LSM14A: variants seen among roughly 807,000 people sequenced by gnomAD.
LSM14A encodes protein LSM14 homolog A.
A neutral mutation model predicts 52.4 loss-of-function variants in LSM14A; 14 were observed. The observed-to-expected ratio is 0.27, with a 90% confidence interval of 0.18 to 0.42. LSM14A has a LOEUF of 0.42. Ranked by LOEUF, LSM14A falls within the 10% of genes least tolerant of loss-of-function variation. The pLI, the probability that LSM14A is intolerant of heterozygous loss-of-function variation, is 1.00. For missense variants in LSM14A, 417 were observed against 581.8 expected (o/e 0.72, Z 2.91); for synonymous variants, 185 against 200.3 (o/e 0.92, Z 0.64).
At chr19:34,205,410 CG>C (rs2145743740) in intron 3 of LSM14A, among the ~76,000 whole-genome samples, 1 of 135,822 alleles carries the variant, frequency 7.4e-6, no homozygotes, top group African/African-American at 2.7e-5. Context: ...CGCTTGAACC[CG>C]GGAGGCGGAG....
intron 3 of LSM14A, among the ~76,000 whole-genome samples, chr19:34,206,646 G>A (rs1362946773): frequency 6.6e-6 from 1 of 152,112 alleles, no homozygotes; most frequent in Non-Finnish European, 1.5e-5. Context: ...CTGCACTCCA[G>A]CCTGACGACA....
In LSM14A at chr19:34,219,131, C is replaced by G. The variant is rs1425559655; in HGVS notation, c.782-260C>G. Among the ~76,000 whole-genome samples, 3 of 152,152 alleles carry G rather than the reference C, an allele frequency of 2.0e-5. No homozygotes were observed. The East Asian group carries it at 5.8e-4, about 29-fold the overall frequency. The stretch of plus-strand genomic sequence containing the variant: ...ACACTTGCCTGGCTGTATACTCTGT[C>G]AGTAACACATGTGAGTGTGGACTCC... On this transcript the variant is annotated intron_variant, in intron 6 of 9. Coordinates refer to ENST00000544216, the MANE Select transcript of LSM14A (RefSeq NM_015578.4).
chr19:34,205,401 G>A lies in LSM14A; in HGVS notation c.416-3528G>A, dbSNP rs567536066. ...CTCAGGAGGCTGAGGCAGGAGAAAC[G>A]CTTGAACCCGGGAGGCGGAGGTTGC... is the stretch of plus-strand genomic sequence containing the variant. On this transcript the variant is annotated intron_variant, in intron 3 of 9. Transcript: ENST00000544216. Among the ~76,000 whole-genome samples, 22 of 144,138 alleles carry A rather than the reference G, an allele frequency of 1.5e-4. No homozygotes were observed. In the East Asian group the frequency reaches 2.2e-3, roughly 14 times the overall value. The allele number at this position is 144,138 out of a possible 152,430, so 94.6% of individuals were successfully genotyped here. A position where few individuals can be genotyped will look rare whatever the true frequency, so the allele number is the denominator to read the frequency against.
Position 34,208,973 on chromosome 19 carries a change from G to A in LSM14A, c.460G>A (p.Gly154Ser). Residue 154 changes from glycine (G) to serine (S), a missense_variant, in exon 4 of 10, where the codon GGT becomes AGT. Around this residue, in one of 2 missense-constraint regions of LSM14A, gnomAD observed 357 missense variants for 457.0 expected, o/e 0.78. Transcript: ENST00000544216. ...CTTTGGAACAGAAACATCAAACAGT[G>A]GTACCTTACCCCAAAGTAGTGCGGT... is the stretch of plus-strand genomic sequence containing the variant. ...TSFGTETSNS[G>S]TLPQSSAVGS... 1 of 1,610,920 alleles carries A rather than the reference G, an allele frequency of 6.2e-7. No homozygotes were observed.
At chr19:34,194,751 T>G (rs746054961) in intron 2 of LSM14A, 110 bp downstream of exon 2, 1 of 957,178 alleles carries the variant, frequency 1.0e-6, no homozygotes, top group Non-Finnish European at 1.6e-6. Flanking sequence ...TCCAAGTTAC[T>G]GGGATACCTG....
intron 8 of LSM14A, among the ~76,000 whole-genome samples, chr19:34,221,081 C>CTT (rs34608536): frequency 6.8e-4 from 85 of 124,826 alleles, no homozygotes; most frequent in South Asian, 1.3e-3. Context: ...AGATAAGATG[C>CTT]TTTTTTTTTT....
chr19:34,226,378 T>TC (rs1481174205), intron 9 of LSM14A: 3 of 542,686 alleles, frequency 5.5e-6, no homozygotes, highest in East Asian at 1.2e-4. Flanking sequence ...TCTTTCTCTT[T>TC]TTTTTTTTTT....
rs773558279 is a variant in LSM14A, at chr19:34,219,688, A to C, written c.965-18A>C. 1 of 1,598,114 alleles carries C rather than the reference A, an allele frequency of 6.3e-7. No individual in the cohort carries two copies. The highest frequency in any genetic ancestry group is 1.1e-5 in the South Asian group (1 of 87,864). On this transcript the variant is annotated intron_variant, in intron 7 of 9. Transcript: ENST00000544216. ...GATTAGCTGTCTTGACTTTTCTGAT[A>C]TGTGCTTTTGTTCTTAGAAGATAAA...
intron 1 of LSM14A, among the ~76,000 whole-genome samples, chr19:34,192,708 C>T (rs2070535578): frequency 6.8e-6 from 1 of 147,652 alleles, no homozygotes; most frequent in South Asian, 2.2e-4. Flanking sequence ...GGCGCGGTAG[C>T]TCACGCCTGT....
chr19:34,175,256 C>T (rs1054420405), intron 1 of LSM14A, among the ~76,000 whole-genome samples: 4 of 149,772 alleles, frequency 2.7e-5, no homozygotes, highest in South Asian at 2.1e-4. Flanking sequence ...TTTGAGATGG[C>T]GTCTCACTCT....
At chr19:34,226,817 A>G (rs1355194696) in intron 9 of LSM14A, among the ~76,000 whole-genome samples, 1 of 152,198 alleles carries the variant, frequency 6.6e-6, no homozygotes, top group Non-Finnish European at 1.5e-5. Flanking sequence ...TACTTTTTAA[A>G]AATTCCCCAG....
Position 34,219,747 on chromosome 19 carries a change from G to A in LSM14A, c.1006G>A (p.Asp336Asn). Residue 336 changes from aspartate to asparagine, a missense_variant, in exon 8 of 10, where the codon GAT (aspartate) becomes AAT (asparagine). Around this residue, in one of 2 missense-constraint regions of LSM14A, gnomAD observed 357 missense variants for 457.0 expected, o/e 0.78. Transcript: ENST00000544216. ...EKQEKPVNGE[D>N]KGDSGVDTQN... is the part of the protein sequence containing the mutation. ...ACAGGAGAAGCCTGTAAATGGTGAA[G>A]ATAAAGGAGACTCAGGAGTTGATAC... The A allele has an allele frequency of 3.1e-6, 5 of 1,613,864 alleles. No individual in the cohort carries two copies. In the South Asian group the frequency reaches 5.5e-5, roughly 18 times the overall value.
intron 6 of LSM14A, among the ~76,000 whole-genome samples, chr19:34,218,974 A>G (rs2145864294): frequency 6.6e-6 from 1 of 152,276 alleles, no homozygotes; most frequent in East Asian, 1.9e-4. Context: ...TTCTTTCCAT[A>G]AAAGGCTTTC....
intron 6 of LSM14A, among the ~76,000 whole-genome samples, chr19:34,216,880 G>A (rs1030695048): frequency 6.6e-6 from 1 of 152,132 alleles, no homozygotes. Flanking sequence ...TTTCAAGTTA[G>A]GATTATAAAA....
chr19:34,192,119 C>T (rs569319170), intron 1 of LSM14A, among the ~76,000 whole-genome samples: 17 of 152,044 alleles, frequency 1.1e-4, no homozygotes, highest in East Asian at 9.7e-4. Flanking sequence ...AATAAAATTT[C>T]GTGGTATGAG....
At chr19:34,209,174 A>C in intron 4 of LSM14A, 123 bp downstream of exon 4, 1 of 782,484 alleles carries the variant, frequency 1.3e-6, no homozygotes, top group Non-Finnish European at 1.9e-6. Flanking sequence ...GCTCTTTTAA[A>C]ATTTTTCTCC....
intron 1 of LSM14A, among the ~76,000 whole-genome samples, chr19:34,194,063 C>T (rs1458723792): frequency 2.0e-5 from 3 of 152,202 alleles, no homozygotes; most frequent in African/African-American, 7.2e-5. Flanking sequence ...GTCCCAGCTA[C>T]GTGGGAGGTT....
At chr19:34,227,238 G>A in intron 9 of LSM14A, 127 bp from the exon 10 acceptor site, 1 of 689,984 alleles carries the variant, frequency 1.4e-6, no homozygotes, top group Non-Finnish European at 2.5e-6. Context: ...AGTGAGACAG[G>A]TTTTTCTATG....
Position 34,175,866 on chromosome 19 carries a change from T to C in LSM14A, c.121+3103T>C, listed in dbSNP as rs575648607. On this transcript the variant is annotated intron_variant, in intron 1 of 9. Coordinates refer to ENST00000544216, the MANE Select transcript of LSM14A (RefSeq NM_015578.4). ...TTTGTTTTGTTTTCGTTTTTTTTTG[T>C]TGTTGTTTTGAGACAGAGTCTTGCT... Among the ~76,000 whole-genome samples the C allele has an allele frequency of 1.7e-4, 25 of 149,562 alleles. No homozygotes were observed. The East Asian group carries it at 4.3e-3, about 26-fold the overall frequency.
Sources: gnomAD v4.1 joint callset for allele counts (sites outside exome capture counted in the v4.1 genomes callset) on GRCh38, gnomAD v4.1.1 for gene constraint, gnomAD v4.1.1 regional missense constraint, MANE v1.5 for transcripts, NCBI Gene and HGNC (gene_info 2026-07-23, HGNC 2026-07-21) for gene names.